The following ZC3H12B variants were observed in gnomAD, a reference collection of about 807,000 sequenced individuals.
The protein encoded by ZC3H12B is probable ribonuclease ZC3H12B.
ZC3H12B carries 7 observed loss-of-function variants against 43.9 expected under a neutral mutation model. The ratio of observed to expected loss-of-function variants is 0.16; its 90% CI spans 0.09 to 0.30. ZC3H12B has a LOEUF of 0.30. Among genes scored for constraint, ZC3H12B ranks in the 10% least tolerant of loss-of-function variants. The pLI is 1.00. For synonymous variants in ZC3H12B, 222 were observed against 241.7 expected, an observed-to-expected ratio of 0.92 and a Z score of 0.76; for missense variants, 475 against 670.2, an observed-to-expected ratio of 0.71 and a Z score of 3.22.
At chrX:65,454,034 C>T (rs1367208294) in intron 3 of ZC3H12B, among the ~76,000 whole-genome samples, 2 of 112,097 alleles carry the variant, frequency 1.8e-5, no homozygotes, top group Non-Finnish European at 3.8e-5. Flanking sequence ...CGAATAGGAA[C>T]AGCTCCAGTC....
chrX:65,068,007 G>A, the ZC3H12B span, among the ~76,000 whole-genome samples: 1 of 108,862 alleles, frequency 9.2e-6, no homozygotes, highest in Non-Finnish European at 1.9e-5. Flanking sequence ...GTCATTCAGT[G>A]GCCTTGTTTA....
the ZC3H12B span, among the ~76,000 whole-genome samples, chrX:65,116,132 T>A: frequency 9.0e-6 from 1 of 111,415 alleles, no homozygotes; most frequent in African/African-American, 3.3e-5. Flanking sequence ...CTAAGCCGAT[T>A]TCCAGAAGGG....
At chrX:65,149,719 A>C in the ZC3H12B span, among the ~76,000 whole-genome samples, 1 of 106,286 alleles carries the variant, frequency 9.4e-6, no homozygotes, top group East Asian at 2.9e-4. Context: ...AGCCGAGATC[A>C]CACCACTGCA....
At chrX:65,387,509 C>T (rs990230270) in intron 2 of ZC3H12B, among the ~76,000 whole-genome samples, 2 of 111,935 alleles carry the variant, frequency 1.8e-5, no homozygotes, top group Admixed American at 1.9e-4. Flanking sequence ...CTTCCTCCAT[C>T]CCTTTATTTT....
intron 3 of ZC3H12B, among the ~76,000 whole-genome samples, chrX:65,432,760 T>C (rs1317110316): frequency 1.8e-5 from 2 of 112,229 alleles, no homozygotes; most frequent in Non-Finnish European, 3.8e-5. Context: ...CTCACACCAC[T>C]GGACCCCAAG....
the ZC3H12B span, among the ~76,000 whole-genome samples, chrX:65,354,791 A>T: frequency 8.9e-6 from 1 of 112,338 alleles, no homozygotes; most frequent in East Asian, 2.8e-4. Flanking sequence ...GCTGAAAAAC[A>T]CAGCACAAGA....
chrX:65,459,784 C>T (rs1339580624), intron 3 of ZC3H12B, among the ~76,000 whole-genome samples: 33 of 111,542 alleles, frequency 3.0e-4, no homozygotes, highest in African/African-American at 6.8e-4. Context: ...AGCATTCCCT[C>T]TGAAAACTGG....
chrX:65,119,981 G>T, the ZC3H12B span, among the ~76,000 whole-genome samples: 1 of 111,334 alleles, frequency 9.0e-6, no homozygotes, highest in African/African-American at 3.3e-5. Flanking sequence ...ATTTCTGAGG[G>T]CTCTGTTCAG....
chrX:65,155,944 G>A, the ZC3H12B span, among the ~76,000 whole-genome samples: 3 of 109,727 alleles, frequency 2.7e-5, no homozygotes, highest in Non-Finnish European at 5.7e-5. Flanking sequence ...TTTTCAAATT[G>A]CCTTTAAACT....
At chrX:65,257,102 G>A in the ZC3H12B span, among the ~76,000 whole-genome samples, 4 of 111,727 alleles carry the variant, frequency 3.6e-5, no homozygotes, top group Admixed American at 1.9e-4. Flanking sequence ...CCCATTACTG[G>A]GTATATACCC....
At chrX:65,070,816 G>GTTTTTTTTTTT in the ZC3H12B span, among the ~76,000 whole-genome samples, 25 of 55,998 alleles carry the variant, frequency 4.5e-4, no homozygotes, top group South Asian at 8.4e-4. Context: ...TATGATTTCT[G>GTTTTTTTTTTT]TTTTTTTTTT....
intron 2 of ZC3H12B, among the ~76,000 whole-genome samples, chrX:65,396,581 T>C (rs1247107078): frequency 1.1e-5 from 1 of 90,917 alleles, no homozygotes; most frequent in East Asian, 2.9e-4. Flanking sequence ...TGTTTTTGTC[T>C]TTTTTTTTTT....
the ZC3H12B span, among the ~76,000 whole-genome samples, chrX:65,100,294 C>A: frequency 5.5e-5 from 6 of 109,684 alleles, no homozygotes; most frequent in Non-Finnish European, 1.1e-4. Context: ...AGAATGGAAC[C>A]AAGTTGTTAA....
chrX:65,321,844 G>A, the ZC3H12B span, among the ~76,000 whole-genome samples: 2 of 110,746 alleles, frequency 1.8e-5, no homozygotes, highest in Non-Finnish European at 3.8e-5. Flanking sequence ...TAAATGATGA[G>A]AACACATGGA....
the ZC3H12B span, among the ~76,000 whole-genome samples, chrX:65,054,932 G>A: frequency 9.0e-6 from 1 of 111,717 alleles, no homozygotes; most frequent in African/African-American, 3.3e-5. Context: ...TTTGCACATT[G>A]ATTTTGTATC....
At chrX:65,285,167 T>G in the ZC3H12B span, among the ~76,000 whole-genome samples, 18 of 110,405 alleles carry the variant, frequency 1.6e-4, no homozygotes, top group Admixed American at 2.9e-4. Context: ...GGTGTTTGGT[T>G]ACATGGATAA....
the ZC3H12B span, among the ~76,000 whole-genome samples, chrX:65,359,790 A>G: frequency 8.9e-6 from 1 of 112,497 alleles, no homozygotes; most frequent in South Asian, 3.6e-4. Flanking sequence ...TATTTGATAA[A>G]GTGGCGGTGG....
the ZC3H12B span, among the ~76,000 whole-genome samples, chrX:65,250,398 C>A: frequency 1.8e-5 from 2 of 111,815 alleles, no homozygotes; most frequent in Non-Finnish European, 3.8e-5. Context: ...AATAAACATA[C>A]ATGTGCATGG....
the ZC3H12B span, among the ~76,000 whole-genome samples, chrX:65,249,532 G>T: frequency 7.2e-5 from 8 of 111,450 alleles, no homozygotes; most frequent in South Asian, 2.3e-3. Context: ...TCTTGCTTTG[G>T]CTATGTGGGC....
Sources: gnomAD v4.1 joint callset for allele counts (sites outside exome capture counted in the v4.1 genomes callset) on GRCh38, gnomAD v4.1.1 for gene constraint, MANE v1.5 for transcripts, NCBI Gene and HGNC (gene_info 2026-07-23, HGNC 2026-07-21) for gene names.